Variants in COL4A5 observed in about 807,000 individuals in gnomAD.
The protein encoded by COL4A5 is collagen type IV alpha 5 chain, also known as collagen alpha-5(IV) chain.
Under a neutral mutation model 130.2 loss-of-function variants are expected in COL4A5, and 26 were observed. The ratio of observed to expected loss-of-function variants is 0.20; its 90% CI spans 0.15 to 0.28. COL4A5 has a LOEUF of 0.28. COL4A5 is among the 10% of genes least tolerant of loss of function. COL4A5 has a pLI of 1.00. For missense variants in COL4A5, 1,131 were observed against 1,344.3 expected (o/e 0.84, Z 2.48); for synonymous variants, 496 against 439.6 (o/e 1.13, Z -1.60).
At chrX:108,682,132 C>A (rs1249138753) in intron 47 of COL4A5, among the ~76,000 whole-genome samples, 1 of 111,079 alleles carries the variant, frequency 9.0e-6, no homozygotes, top group Non-Finnish European at 1.9e-5. Flanking sequence ...TGTTCAACTC[C>A]CACTTATGAG....
intron 1 of COL4A5, among the ~76,000 whole-genome samples, chrX:108,523,720 A>C (rs2065287192): frequency 8.9e-6 from 1 of 111,822 alleles, no homozygotes; most frequent in Non-Finnish European, 1.9e-5. Flanking sequence ...AAGTCTTCTG[A>C]TCCATGAACA....
intron 1 of COL4A5, among the ~76,000 whole-genome samples, chrX:108,477,436 C>G (rs188476473): frequency 1.3e-4 from 14 of 111,742 alleles, no homozygotes; most frequent in Non-Finnish European, 1.3e-4. Flanking sequence ...GTCAATAAAT[C>G]GTACATCACA....
At chrX:108,682,208 T>C (rs917010627) in intron 47 of COL4A5, among the ~76,000 whole-genome samples, 1 of 111,542 alleles carries the variant, frequency 9.0e-6, no homozygotes. Flanking sequence ...GTTTTGTCCA[T>C]GCAAAGGACA....
chrX:108,682,237 T>A (rs1425080957), intron 47 of COL4A5, among the ~76,000 whole-genome samples: 1 of 112,077 alleles, frequency 8.9e-6, no homozygotes, highest in African/African-American at 3.2e-5. Flanking sequence ...TCAATTTTCA[T>A]GGCTGCATAG....
At chrX:108,594,033 G>T (rs2066475377) in intron 21 of COL4A5, among the ~76,000 whole-genome samples, 1 of 111,533 alleles carries the variant, frequency 9.0e-6, no homozygotes, top group African/African-American at 3.3e-5. Flanking sequence ...TTTTCCTCTA[G>T]ATTTGTGTAT....
intron 43 of COL4A5, among the ~76,000 whole-genome samples, chrX:108,676,437 A>C (rs1484392644): frequency 8.9e-6 from 1 of 111,815 alleles, no homozygotes; most frequent in East Asian, 2.8e-4. Context: ...GCCAATGATA[A>C]GATCTCCCTG....
At chrX:108,515,356 C>A (rs769275173) in intron 1 of COL4A5, among the ~76,000 whole-genome samples, 117 of 111,765 alleles carry the variant, frequency 1.0e-3, no homozygotes, top group Non-Finnish European at 2.0e-3. Context: ...TCAAGTATAA[C>A]CTCATGTCAA....
intron 3 of COL4A5, among the ~76,000 whole-genome samples, chrX:108,563,498 A>G (rs1259476474): frequency 1.8e-5 from 2 of 112,042 alleles, no homozygotes; most frequent in Admixed American, 1.9e-4. Flanking sequence ...TTATACCAGC[A>G]TGGCAAGCAG....
intron 1 of COL4A5, among the ~76,000 whole-genome samples, chrX:108,446,175 A>T (rs1015453967): frequency 8.9e-6 from 1 of 112,009 alleles, no homozygotes; most frequent in Non-Finnish European, 1.9e-5. Flanking sequence ...TGGTTAAAAT[A>T]AAAAAGTAAG....
At chrX:108,603,628 G>C (rs1326705544) in intron 28 of COL4A5, among the ~76,000 whole-genome samples, 1 of 111,768 alleles carries the variant, frequency 8.9e-6, no homozygotes, top group Non-Finnish European at 1.9e-5. Context: ...CACTGATCAG[G>C]GTGATGGTTG....
intron 1 of COL4A5, among the ~76,000 whole-genome samples, chrX:108,458,021 G>T (rs2064601056): frequency 9.0e-6 from 1 of 111,505 alleles, no homozygotes; most frequent in African/African-American, 3.3e-5. Context: ...TCTGCCATTT[G>T]GTGGCTTGCG....
At chrX:108,552,824 T>C (rs779282466) in intron 2 of COL4A5, among the ~76,000 whole-genome samples, 2 of 111,848 alleles carry the variant, frequency 1.8e-5, no homozygotes, top group East Asian at 5.6e-4. Flanking sequence ...AATACAGCTT[T>C]TATAAAAAAC....
chrX:108,569,114 C>A, intron 6 of COL4A5: 1 of 221,459 alleles, frequency 4.5e-6, no homozygotes, highest in Non-Finnish European at 8.1e-6. Flanking sequence ...ATATATGTTT[C>A]AAATATTATA....
chrX:108,682,468 A>G (rs184287323), intron 47 of COL4A5, among the ~76,000 whole-genome samples: 1,988 of 111,873 alleles, frequency 0.018, 56 homozygotes, highest in African/African-American at 0.061. Context: ...GAATCGCCAC[A>G]CTGTCTTCCA....
intron 17 of COL4A5, 67 bp downstream of exon 17, chrX:108,583,004 G>T: frequency 2.2e-6 from 2 of 898,867 alleles, no homozygotes; most frequent in Non-Finnish European, 3.3e-6. Context: ...CTTCTCCCAG[G>T]CTTGAGTTAT....
At chrX:108,441,343 C>G (rs2064396071) in intron 1 of COL4A5, among the ~76,000 whole-genome samples, 1 of 112,180 alleles carries the variant, frequency 8.9e-6, no homozygotes, top group Non-Finnish European at 1.9e-5. Context: ...ACCGTCAATT[C>G]TTTGTAAGCA....
At chrX:108,525,960 G>T (rs1356155265) in intron 1 of COL4A5, among the ~76,000 whole-genome samples, 4 of 111,961 alleles carry the variant, frequency 3.6e-5, no homozygotes, top group Middle Eastern at 4.6e-3. Flanking sequence ...CTCCTGGGCT[G>T]CTGTGCCTGG....
rs182806298 is a variant in COL4A5, at chrX:108,514,815, C to G, written c.82-24931C>G. Among the ~76,000 whole-genome samples, 7 of 111,875 alleles carry G rather than the reference C, an allele frequency of 6.3e-5. No homozygotes were observed. The Admixed American group carries it at 6.7e-4, about 11-fold the overall frequency. On this transcript the variant is annotated intron_variant, in intron 1 of 52. Transcript: ENST00000328300. ...CACCCACAGTCCCTAAAGCTGAAAT[C>G]CAGCATATAGTAAGGTTGTTACATT...
chrX:108,465,379 C>G (rs1264510791), intron 1 of COL4A5, among the ~76,000 whole-genome samples: 1 of 111,616 alleles, frequency 9.0e-6, no homozygotes, highest in Non-Finnish European at 1.9e-5. Context: ...ATTGGCCATT[C>G]AAATATCTTC....
Sources: gnomAD v4.1 joint callset for allele counts (sites outside exome capture counted in the v4.1 genomes callset) on GRCh38, gnomAD v4.1.1 for gene constraint, MANE v1.5 for transcripts, NCBI Gene and HGNC (gene_info 2026-07-23, HGNC 2026-07-21) for gene names.